Variants in SMOC2 observed in about 807,000 individuals in gnomAD.
The protein encoded by SMOC2 is SPARC related modular calcium binding 2, also known as SPARC-related modular calcium-binding protein 2.
Under a neutral mutation model 61.4 loss-of-function variants are expected in SMOC2, and 39 were observed. The ratio of observed to expected loss-of-function variants is 0.64; its 90% CI spans 0.49 to 0.83. SMOC2 has a LOEUF of 0.83. SMOC2 is among the 40% of genes least tolerant of loss of function. SMOC2 has a pLI of 0.00. For synonymous variants in SMOC2, 247 were observed against 239.9 expected, an observed-to-expected ratio of 1.03 and a Z score of -0.27; for missense variants, 556 against 592.9, an observed-to-expected ratio of 0.94 and a Z score of 0.65.
intron 7 of SMOC2, among the ~76,000 whole-genome samples, chr6:168,596,597 C>A (rs932551740): frequency 2.6e-5 from 4 of 152,236 alleles, no homozygotes; most frequent in African/African-American, 9.6e-5. Flanking sequence ...TCTCCGGAGG[C>A]GCAGTTCCAT....
intron 1 of SMOC2, among the ~76,000 whole-genome samples, chr6:168,508,719 G>A (rs2115050441): frequency 6.6e-6 from 1 of 152,340 alleles, no homozygotes; most frequent in Non-Finnish European, 1.5e-5. Flanking sequence ...CTGGAAGAGG[G>A]ATTGGACCAG....
Position 168,558,489 on chromosome 6 carries a change from G to A in SMOC2, c.637+9286G>A, listed in dbSNP as rs146545609. Among the ~76,000 whole-genome samples, 19 of 152,304 alleles carry A rather than the reference G, an allele frequency of 1.2e-4. No individual in the cohort carries two copies. The East Asian group carries it at 2.9e-3, about 23-fold the overall frequency. ...TCCCTGGTCCCTGGGAAGGACAGAAGGGGGGCCTGGGCTGGTTCTCGGCCC... is the reference window on the plus strand; with the variant it reads ...TCCCTGGTCCCTGGGAAGGACAGAAAGGGGGCCTGGGCTGGTTCTCGGCCC... On this transcript the variant is annotated intron_variant, in intron 7 of 12. Transcript: ENST00000356284.
At chr6:168,490,005 C>T (rs537503387) in intron 1 of SMOC2, among the ~76,000 whole-genome samples, 1 of 151,868 alleles carries the variant, frequency 6.6e-6, no homozygotes, top group African/African-American at 2.4e-5. Flanking sequence ...CATCTGGGTC[C>T]CCTTGGATCA....
At chr6:168,624,910 CACAG>C (rs1474479268) in intron 9 of SMOC2, among the ~76,000 whole-genome samples, 7 of 151,934 alleles carry the variant, frequency 4.6e-5, no homozygotes, top group African/African-American at 1.7e-4. Flanking sequence ...CACACATGTA[CACAG>C]ACACACACAT....
In SMOC2 at chr6:168,647,639, G is replaced by A. The variant is rs371419408; in HGVS notation, c.908-3042G>A. Among the ~76,000 whole-genome samples, 20 of 152,294 alleles carry A rather than the reference G, an allele frequency of 1.3e-4. No homozygotes were observed. In the East Asian group the frequency reaches 3.1e-3, roughly 24 times the overall value. On this transcript the variant is annotated intron_variant, in intron 9 of 12. Transcript: ENST00000356284. ...TCAAGCCTCGTTGCTCCTCTCATGC[G>A]TTTGCTAGATCTGGGACATCTCAGG...
rs1781520834 is a variant in SMOC2 at position 168,453,888 on chromosome 6, CTA to C, written c.84+12436_84+12437del. On this transcript the variant is annotated intron_variant, in intron 1 of 12. Transcript: ENST00000356284. This position sits in a 1 kb window ranked among gnomAD's most constrained non-coding sequence, Gnocchi z 4.4. ...TCTGCCATTCTCCATCTCTGTCTCT[CTA>C]TCTCTCTTTCTCTCTGTCTTCCTCT... 6.6e-6 allele frequency among the ~76,000 whole-genome samples: 1 copy of C among 151,356 alleles called. No individual in the cohort carries two copies. The highest frequency in any genetic ancestry group is 2.4e-5 in the African/African-American group (1 of 41,144).
At chr6:168,599,967 CAT>C (rs1484787414) in intron 8 of SMOC2, among the ~76,000 whole-genome samples, 2 of 151,382 alleles carry the variant, frequency 1.3e-5, no homozygotes, top group East Asian at 3.9e-4. Flanking sequence ...CTCACACACA[CAT>C]ACTCTCCCCA....
At chr6:168,644,409 A>G (rs1206404880) in intron 9 of SMOC2, among the ~76,000 whole-genome samples, 3 of 152,162 alleles carry the variant, frequency 2.0e-5, no homozygotes, top group Admixed American at 1.3e-4. Context: ...ACCCAGCCAA[A>G]TGCAGGTGCT....
At chr6:168,471,168 G>A (rs76224340) in intron 1 of SMOC2, among the ~76,000 whole-genome samples, 5,561 of 152,172 alleles carry the variant, frequency 0.037, 160 homozygotes, top group South Asian at 0.13. Context: ...TCGCACAACC[G>A]ATATCCAGAA....
intron 9 of SMOC2, among the ~76,000 whole-genome samples, chr6:168,637,108 C>T (rs1786759670): frequency 6.6e-6 from 1 of 151,918 alleles, no homozygotes; most frequent in Non-Finnish European, 1.5e-5. Flanking sequence ...CTTTTTTGAT[C>T]TTTCTAACTG....
At chr6:168,554,031 T>G (rs1438351293) in intron 7 of SMOC2, among the ~76,000 whole-genome samples, 2 of 150,046 alleles carry the variant, frequency 1.3e-5, no homozygotes, top group Non-Finnish European at 2.9e-5. Context: ...TTGAACTGCA[T>G]GTGCACGGTG....
chr6:168,477,824 C>CA (rs1453733972), intron 1 of SMOC2, among the ~76,000 whole-genome samples: 1 of 152,130 alleles, frequency 6.6e-6, no homozygotes, highest in Admixed American at 6.5e-5. Flanking sequence ...GCCAAAAATA[C>CA]ACAACAAAAG....
Position 168,509,946 on chromosome 6 carries a change from A to G in SMOC2, c.116A>G (p.Asp39Gly), listed in dbSNP as rs1782965925. Residue 39 changes from aspartate to glycine, a missense_variant, in exon 2 of 13, where the codon GAT (aspartate) becomes GGT (glycine). Coordinates refer to ENST00000356284, the MANE Select transcript of SMOC2 (RefSeq NM_001166412.2). ...AGAGTGGATCAAGATAAAGACAAGGATTGTAGCTTGGACTGTGCGGGTTCG... is the reference window on the plus strand; with the variant it reads ...AGAGTGGATCAAGATAAAGACAAGGGTTGTAGCTTGGACTGTGCGGGTTCG... ...FLRVDQDKDK[D>G]CSLDCAGSPQ... 1 of 1,611,214 alleles carries G rather than the reference A, an allele frequency of 6.2e-7. No homozygotes were observed. Among genetic ancestry groups the G allele is most frequent in the Non-Finnish European group, 8.5e-7 (1 of 1,177,916 alleles).
chr6:168,532,540 G>T (rs1376275643), intron 4 of SMOC2, among the ~76,000 whole-genome samples: 1 of 151,668 alleles, frequency 6.6e-6, no homozygotes, highest in Non-Finnish European at 1.5e-5. Context: ...CCATTCTCCA[G>T]TATTTGGATA....
intron 7 of SMOC2, among the ~76,000 whole-genome samples, chr6:168,572,251 G>T (rs1784686867): frequency 2.0e-5 from 1 of 50,346 alleles, no homozygotes; most frequent in Non-Finnish European, 3.3e-5. Flanking sequence ...CCGCATCCCC[G>T]GGTGCCGGGA....
chr6:168,568,587 A>C (rs2115137145), intron 7 of SMOC2, among the ~76,000 whole-genome samples: 1 of 152,272 alleles, frequency 6.6e-6, no homozygotes, highest in East Asian at 1.9e-4. Context: ...GAGTTGATTG[A>C]CTGCCCTGAA....
At chr6:168,516,602 G>C (rs940099388) in intron 2 of SMOC2, among the ~76,000 whole-genome samples, 2 of 151,546 alleles carry the variant, frequency 1.3e-5, no homozygotes, top group African/African-American at 4.9e-5. Context: ...CAGCAAAGCG[G>C]CTGGGACTCA....
chr6:168,506,415 T>G (rs1782872115), intron 1 of SMOC2, among the ~76,000 whole-genome samples: 1 of 152,246 alleles, frequency 6.6e-6, no homozygotes, highest in Admixed American at 6.5e-5. Flanking sequence ...CGTTATCTCA[T>G]ATAGTCAGAG....
intron 5 of SMOC2, among the ~76,000 whole-genome samples, chr6:168,545,543 G>A (rs187232265): frequency 3.0e-4 from 45 of 152,368 alleles, no homozygotes; most frequent in Non-Finnish European, 5.7e-4. Flanking sequence ...ACGGGGGCAT[G>A]GAGTAGGGCC....
Sources: gnomAD v4.1 joint callset for allele counts (sites outside exome capture counted in the v4.1 genomes callset) on GRCh38, gnomAD v4.1.1 for gene constraint, Gnocchi (gnomAD v3.1) non-coding constraint, MANE v1.5 for transcripts, NCBI Gene and HGNC (gene_info 2026-07-23, HGNC 2026-07-21) for gene names.